The following PPIG variants were observed in gnomAD, a reference collection of about 807,000 sequenced individuals.
PPIG encodes the protein peptidyl-prolyl cis-trans isomerase G.
A neutral mutation model predicts 87.9 loss-of-function variants in PPIG; 26 were observed. The ratio of observed to expected loss-of-function variants is 0.30; its 90% CI spans 0.22 to 0.41. The LOEUF (loss-of-function observed/expected upper bound fraction) is 0.41. Among genes scored for constraint, PPIG ranks in the 10% least tolerant of loss-of-function variants. The pLI, the probability that PPIG is intolerant of heterozygous loss-of-function variation, is 1.00. For synonymous variants in PPIG, 308 were observed against 276.5 expected, an observed-to-expected ratio of 1.11 and a Z score of -1.13; for missense variants, 722 against 879.4, an observed-to-expected ratio of 0.82 and a Z score of 2.26.
chr2:169,587,538 A>C (rs529866568), intron 1 of PPIG, among the ~76,000 whole-genome samples: 1 of 152,022 alleles, frequency 6.6e-6, no homozygotes, highest in South Asian at 2.1e-4. Flanking sequence ...CCGTGCCCAG[A>C]CCTTTTTGCT....
Position 169,584,508 on chromosome 2 carries a change from C to T in PPIG, c.-70+18C>T, listed in dbSNP as rs146876461. On this transcript the variant is annotated intron_variant, in intron 1 of 13. Coordinates refer to ENST00000260970, the MANE Select transcript of PPIG (RefSeq NM_004792.3). ...CGGTGCAGGTAAGTGGTATGAGGCT[C>T]AAGTTGTTCTGGCGGCGTCATTTCA... 2.1e-6 allele frequency: 1 copy of T among 470,232 alleles called. No individual in the cohort carries two copies. The highest frequency in any genetic ancestry group is 4.4e-6 in the Non-Finnish European group (1 of 226,780). 29.1% of individuals were successfully genotyped at this position (470,232 alleles called of 1,614,324 possible).
chr2:169,604,657 C>CTT (rs1553545128), intron 4 of PPIG, among the ~76,000 whole-genome samples: 4 of 150,012 alleles, frequency 2.7e-5, no homozygotes, highest in East Asian at 2.0e-4. Flanking sequence ...GGGTGGCTCA[C>CTT]GAGGTCAGGA....
chr2:169,622,563 A>G (rs1348524780), intron 9 of PPIG, among the ~76,000 whole-genome samples: 1 of 152,194 alleles, frequency 6.6e-6, no homozygotes, highest in East Asian at 1.9e-4. Flanking sequence ...TGCCCTTATC[A>G]GTTTCAGCAA....
intron 1 of PPIG, among the ~76,000 whole-genome samples, chr2:169,593,151 A>G (rs1397678477): frequency 6.6e-6 from 1 of 151,524 alleles, no homozygotes; most frequent in Non-Finnish European, 1.5e-5. Context: ...TATCTTAGGA[A>G]TTTTTTCTTT....
At chr2:169,599,066 A>T (rs889540504) in intron 1 of PPIG, among the ~76,000 whole-genome samples, 1 of 152,080 alleles carries the variant, frequency 6.6e-6, no homozygotes, top group Non-Finnish European at 1.5e-5. Flanking sequence ...ACATAAAGTA[A>T]ATTCCTAGAA....
chr2:169,624,823 T>C (rs113140182), intron 9 of PPIG, among the ~76,000 whole-genome samples: 7 of 152,044 alleles, frequency 4.6e-5, no homozygotes, highest in Non-Finnish European at 8.8e-5. Context: ...ATCTTCTGAC[T>C]TCGTGATCCG....
At chr2:169,607,767 C>T (rs1184711970) in intron 6 of PPIG, among the ~76,000 whole-genome samples, 2 of 152,208 alleles carry the variant, frequency 1.3e-5, no homozygotes, top group African/African-American at 4.8e-5. Flanking sequence ...GATGCTATGG[C>T]AGAGGTTAAG....
At chr2:169,596,657 G>A (rs116533936) in intron 1 of PPIG, among the ~76,000 whole-genome samples, 1,735 of 152,258 alleles carry the variant, frequency 0.011, 47 homozygotes, top group African/African-American at 0.04. Context: ...TCCCCCAACA[G>A]TGTCTGCCTT....
Position 169,614,728 on chromosome 2 carries a change from A to T in PPIG, c.547+4A>T. On this transcript the variant is annotated splice_donor_region_variant and intron_variant, in intron 9 of 13. Transcript: ENST00000260970. ...GAGCTGATTCCCAAATCTAAAGGTA[A>T]AAAGGAAGTACATATTTCTGAGAAT... 4.4e-6 allele frequency: 7 copies of T among 1,595,082 alleles called. No homozygotes were observed. The highest frequency in any genetic ancestry group is 6.0e-6 in the Non-Finnish European group (7 of 1,175,432).
chr2:169,589,661 G>A (rs146977594), intron 1 of PPIG, among the ~76,000 whole-genome samples: 2 of 151,926 alleles, frequency 1.3e-5, no homozygotes, highest in Admixed American at 6.6e-5. Context: ...GGTTTTTTTG[G>A]GGGGGGTTGT....
At chr2:169,631,126 C>T in intron 10 of PPIG, 139 bp downstream of exon 10, 1 of 794,968 alleles carries the variant, frequency 1.3e-6, no homozygotes, top group Non-Finnish European at 1.9e-6. Flanking sequence ...TGATATTCCA[C>T]AGTCTATAGA....
chr2:169,602,450 G>A (rs900127641), intron 1 of PPIG, among the ~76,000 whole-genome samples: 1 of 152,046 alleles, frequency 6.6e-6, no homozygotes, highest in Non-Finnish European at 1.5e-5. Flanking sequence ...TGAGTAGCTG[G>A]GATTACAGGC....
At chr2:169,601,252 C>T (rs938673210) in intron 1 of PPIG, among the ~76,000 whole-genome samples, 3 of 152,108 alleles carry the variant, frequency 2.0e-5, no homozygotes, top group African/African-American at 7.2e-5. Context: ...GTTGTTGTTA[C>T]TGCAATTTTA....
intron 1 of PPIG, among the ~76,000 whole-genome samples, chr2:169,594,748 C>T (rs1684973597): frequency 6.6e-6 from 1 of 151,158 alleles, no homozygotes; most frequent in South Asian, 2.1e-4. Context: ...TCCCAGCCTC[C>T]CAAGTAGCTG....
In PPIG at chr2:169,628,398, G is replaced by A. The variant is rs948946524; in HGVS notation, c.548-2376G>A. ...TCTCAAGTGCAGCAACATCTCATCA[G>A]TACTGGAAAAGCAGTCTGCACAGTG... On this transcript the variant is annotated intron_variant, in intron 9 of 13. Coordinates refer to ENST00000260970, the MANE Select transcript of PPIG (RefSeq NM_004792.3). 2.0e-5 allele frequency among the ~76,000 whole-genome samples: 3 copies of A among 152,160 alleles called. No homozygotes were observed. In the East Asian group the frequency reaches 5.8e-4, roughly 29 times the overall value.
At chr2:169,593,044 G>A (rs1684911106) in intron 1 of PPIG, among the ~76,000 whole-genome samples, 1 of 152,080 alleles carries the variant, frequency 6.6e-6, no homozygotes, top group Non-Finnish European at 1.5e-5. Flanking sequence ...TCTATGAAGA[G>A]TGTATCCTTG....
At chr2:169,628,934 G>A (rs1267724354) in intron 9 of PPIG, among the ~76,000 whole-genome samples, 1 of 100,048 alleles carries the variant, frequency 1.0e-5, no homozygotes, top group East Asian at 3.1e-4. Context: ...GCAAGACCCT[G>A]TCTCCAAAAA....
intron 7 of PPIG, among the ~76,000 whole-genome samples, chr2:169,612,584 G>A (rs982593137): frequency 5.9e-5 from 9 of 151,784 alleles, no homozygotes; most frequent in Admixed American, 3.3e-4. Flanking sequence ...GGGTTTCACC[G>A]TGTTAGCCAG....
chr2:169,611,293 T>A (rs1685482203), intron 7 of PPIG, among the ~76,000 whole-genome samples: 1 of 152,170 alleles, frequency 6.6e-6, no homozygotes, highest in Admixed American at 6.6e-5. Context: ...AAAAATCCCA[T>A]TCCCAGAGCA....
Sources: allele counts gnomAD v4.1 joint callset (sites outside exome capture counted in the v4.1 genomes callset), GRCh38; gene constraint gnomAD v4.1.1; transcripts MANE v1.5; gene names NCBI Gene and HGNC (gene_info 2026-07-23, HGNC 2026-07-21).